The following ARHGAP35 variants were observed in gnomAD, a reference collection of about 807,000 sequenced individuals.
ARHGAP35 encodes rho GTPase-activating protein 35.
In ARHGAP35, 15 loss-of-function variants were observed where a neutral mutation model predicts 111.1. The ratio of observed to expected loss-of-function variants is 0.13; its 90% CI spans 0.09 to 0.21. ARHGAP35 has a LOEUF of 0.21. Among genes scored for constraint, ARHGAP35 ranks in the 10% least tolerant of loss-of-function variants. The pLI is 1.00. For synonymous variants in ARHGAP35, 643 were observed against 710.3 expected, an observed-to-expected ratio of 0.91 and a Z score of 1.51; for missense variants, 1,262 against 1,873.0, an observed-to-expected ratio of 0.67 and a Z score of 6.02.
intron 1 of ARHGAP35, among the ~76,000 whole-genome samples, chr19:46,900,147 A>G (rs1488340839): frequency 6.6e-6 from 1 of 151,716 alleles, no homozygotes; most frequent in African/African-American, 2.4e-5. Context: ...TGGTATTGTT[A>G]GGATCTTCCT....
Position 46,922,137 on chromosome 19 carries a change from G to A in ARHGAP35, c.3462G>A (p.Lys1154=), listed in dbSNP as rs778672753. ...GGCGCAAGGTTTCCATCGTGAGCAAGCCAGTGCTGTACAGGACGAGATGCA... is the reference window on the plus strand; with the variant it reads ...GGCGCAAGGTTTCCATCGTGAGCAAACCAGTGCTGTACAGGACGAGATGCA... ...ERGRKVSIVS[K]PVLYRTRCTR... Residue 1154 remains lysine, a synonymous_variant, in exon 2 of 7, where the codon AAG becomes AAA. Coordinates refer to ENST00000672722, the MANE Select transcript of ARHGAP35 (RefSeq NM_004491.5). The surrounding 1 kb of genome is among the most constrained non-coding windows in gnomAD (Gnocchi z 4.0). 3 of 1,613,916 alleles carry A rather than the reference G, an allele frequency of 1.9e-6. No homozygotes were observed. Among genetic ancestry groups the A allele is most frequent in the Non-Finnish European group, 2.5e-6 (3 of 1,179,910 alleles).
At chr19:46,929,591 C>CTT (rs55818906) in intron 2 of ARHGAP35, among the ~76,000 whole-genome samples, 2,383 of 93,022 alleles carry the variant, frequency 0.026, 122 homozygotes, top group East Asian at 0.094. Context: ...ACCTGTTACT[C>CTT]TTTTTTTTTT....
chr19:46,865,504 G>T lies in ARHGAP35; in HGVS notation c.-189+4295G>T, dbSNP rs572823005. Among the ~76,000 whole-genome samples the T allele has an allele frequency of 2.0e-5, 3 of 152,232 alleles. No individual in the cohort carries two copies. In the South Asian group the frequency reaches 6.2e-4, roughly 32 times the overall value. Reference sequence around the variant, plus strand: ...AGAGAAGAAGTTGAAAGAAGTTGTCGGTGTGCAGATTCATGGGCAGATCCA... The same window carrying T: ...AGAGAAGAAGTTGAAAGAAGTTGTCTGTGTGCAGATTCATGGGCAGATCCA... On this transcript the variant is annotated intron_variant, in intron 1 of 6. Coordinates refer to ENST00000672722, the MANE Select transcript of ARHGAP35 (RefSeq NM_004491.5).
intron 1 of ARHGAP35, among the ~76,000 whole-genome samples, chr19:46,877,192 C>G (rs1311002327): frequency 7.1e-6 from 1 of 140,540 alleles, no homozygotes; most frequent in Non-Finnish European, 1.5e-5. Context: ...GCGGATGTTG[C>G]AGTGAGCTGA....
intron 3 of ARHGAP35, among the ~76,000 whole-genome samples, chr19:46,972,782 C>T (rs2056557955): frequency 6.6e-6 from 1 of 152,124 alleles, no homozygotes; most frequent in African/African-American, 2.4e-5. Context: ...GCTGTGATTT[C>T]CAATTTTCTC....
At chr19:46,862,423 C>T (rs1041482029) in intron 1 of ARHGAP35, among the ~76,000 whole-genome samples, 9 of 152,032 alleles carry the variant, frequency 5.9e-5, no homozygotes, top group Non-Finnish European at 2.9e-5. Flanking sequence ...TGCTTCCTGT[C>T]CCCTCTTTGC....
intron 1 of ARHGAP35, among the ~76,000 whole-genome samples, chr19:46,861,965 T>C (rs2055831455): frequency 6.6e-6 from 1 of 152,184 alleles, no homozygotes; most frequent in South Asian, 2.1e-4. Flanking sequence ...CACCCCGGGA[T>C]GCCCCTCGGC....
chr19:46,960,893 C>CTTT (rs1304320167), intron 3 of ARHGAP35, among the ~76,000 whole-genome samples: 2 of 132,492 alleles, frequency 1.5e-5, no homozygotes, highest in Non-Finnish European at 3.3e-5. Flanking sequence ...ATTTCTTTGG[C>CTTT]TTTTTTTTTT....
Position 47,005,057 on chromosome 19 carries a change from T to C in ARHGAP35, c.*4369T>C, listed in dbSNP as rs577938400. The C allele has an allele frequency of 3.0e-4, 46 of 152,364 alleles. No homozygotes were observed. Among genetic ancestry groups the C allele is most frequent in the African/African-American group, 1.1e-3 (46 of 41,572 alleles). The allele number at this position is 152,364 out of a possible 1,614,324, so 9.4% of individuals were successfully genotyped here. On this transcript the variant is annotated 3_prime_UTR_variant, in exon 7 of 7. Transcript: ENST00000672722. Reference sequence around the variant, plus strand: ...TGTGATCTGTATCATAGTTAATAAATGAATCTTGTAAAAAACCAAACCTGA... The same window carrying C: ...TGTGATCTGTATCATAGTTAATAAACGAATCTTGTAAAAAACCAAACCTGA...
intron 1 of ARHGAP35, among the ~76,000 whole-genome samples, chr19:46,862,120 A>G (rs2055832181): frequency 1.3e-5 from 2 of 151,672 alleles, no homozygotes; most frequent in African/African-American, 4.9e-5. Context: ...TCTGCCTCTC[A>G]GCTCTGCCCC....
chr19:46,922,039 A>G lies in ARHGAP35; in HGVS notation c.3364A>G (p.Ile1122Val). The change falls in exon 2 of 7, where the codon ATC becomes GTC. Residue 1122 changes from isoleucine to valine, a missense_variant. By Grantham distance (29) the Ile-to-Val change is conservative (BLOSUM62 3). Transcript: ENST00000672722. The surrounding 1 kb of genome is among the most constrained non-coding windows in gnomAD (Gnocchi z 4.0). ...TQGKIITIRNINKAQSNGSGN... is the reference protein window; with the variant it reads ...TQGKIITIRNVNKAQSNGSGN... ...AGGCAAAATCATCACCATTCGGAAT[A>G]TCAACAAAGCCCAGTCCAACGGCAG... The G allele has an allele frequency of 6.2e-7, 1 of 1,614,060 alleles. No individual in the cohort carries two copies. The highest frequency in any genetic ancestry group is 8.5e-7 in the Non-Finnish European group (1 of 1,179,898).
At chr19:46,969,498 G>C (rs572960275) in intron 3 of ARHGAP35, among the ~76,000 whole-genome samples, 1 of 152,194 alleles carries the variant, frequency 6.6e-6, no homozygotes, top group African/African-American at 2.4e-5. Flanking sequence ...ACACTCTGTC[G>C]GACTGCTTGA....
At position 46,886,365 on chromosome 19, in the gene ARHGAP35, A is replaced by G. The variant is rs182154049; in HGVS notation, c.-189+25156A>G. Among the ~76,000 whole-genome samples the G allele has an allele frequency of 1.5e-3, 231 of 152,086 alleles. 1 individual carries two copies. Among genetic ancestry groups the G allele is most frequent in the African/African-American group, 5.3e-3 (219 of 41,498 alleles). The stretch of plus-strand genomic sequence containing the variant: ...ACTTTAAATGGCCAAAGTAGTGCAG[A>G]TCTAGACTATGCTCCGTAAGGGAGG... On this transcript the variant is annotated intron_variant, in intron 1 of 6. Coordinates refer to ENST00000672722, the MANE Select transcript of ARHGAP35 (RefSeq NM_004491.5).
chr19:46,966,623 T>A (rs75305660), intron 3 of ARHGAP35, among the ~76,000 whole-genome samples: 1 of 152,204 alleles, frequency 6.6e-6, no homozygotes, highest in Non-Finnish European at 1.5e-5. Flanking sequence ...ACCTCTCTGC[T>A]TTTTTTCCTC....
chr19:46,960,186 G>A (rs933662146), intron 3 of ARHGAP35, among the ~76,000 whole-genome samples: 3 of 151,388 alleles, frequency 2.0e-5, no homozygotes, highest in African/African-American at 7.3e-5. Flanking sequence ...GCCCTTTTCC[G>A]CCTTCTCTCC....
intron 3 of ARHGAP35, among the ~76,000 whole-genome samples, chr19:46,967,686 G>T (rs2056523205): frequency 6.6e-6 from 1 of 152,174 alleles, no homozygotes; most frequent in Admixed American, 6.5e-5. Flanking sequence ...GCAGGATGTG[G>T]TCCCTGCCCA....
chr19:46,921,213 C>G lies in ARHGAP35; in HGVS notation c.2538C>G (p.Ile846Met). 1 of 1,614,012 alleles carries G rather than the reference C, an allele frequency of 6.2e-7. No homozygotes were observed. The highest frequency in any genetic ancestry group is 8.5e-7 in the Non-Finnish European group (1 of 1,179,900). ...TTTCATACCATTCCTCCTTTAGCAT[C>G]AGAAAGAGCCGGTTGGTTCATGGGT... ...SVLSYHSSFS[I>M]RKSRLVHGYI... The change falls in exon 2 of 7, where the codon ATC (isoleucine) becomes ATG (methionine). Residue 846 changes from isoleucine (I) to methionine (M), a missense_variant. Transcript: ENST00000672722. The surrounding 1 kb of genome is among the most constrained non-coding windows in gnomAD (Gnocchi z 4.3).
chr19:46,960,919 A>C (rs536944742), intron 3 of ARHGAP35, among the ~76,000 whole-genome samples: 4 of 150,002 alleles, frequency 2.7e-5, no homozygotes, highest in Non-Finnish European at 4.4e-5. Context: ...TCAGAGACGA[A>C]GTCTCACTCC....
chr19:46,941,198 A>T (rs2056344829), intron 3 of ARHGAP35, among the ~76,000 whole-genome samples: 1 of 152,170 alleles, frequency 6.6e-6, no homozygotes, highest in African/African-American at 2.4e-5. Context: ...TCTTTGCCTT[A>T]GGGCATTCCC....
Sources: allele counts gnomAD v4.1 joint callset (sites outside exome capture counted in the v4.1 genomes callset), GRCh38; gene constraint gnomAD v4.1.1; non-coding constraint Gnocchi (gnomAD v3.1); transcripts MANE v1.5; gene names NCBI Gene and HGNC (gene_info 2026-07-23, HGNC 2026-07-21).